Variants in TFG observed in about 807,000 individuals in gnomAD.
TFG encodes trafficking from ER to golgi regulator, also known as protein TFG.
TFG carries 22 observed loss-of-function variants against 51.4 expected under a neutral mutation model. The observed-to-expected ratio is 0.43, with a 90% confidence interval of 0.31 to 0.61. The LOEUF (loss-of-function observed/expected upper bound fraction) is 0.61, where lower values mean the gene tolerates loss of function less well. Among genes scored for constraint, TFG ranks in the 20% least tolerant of loss-of-function variants. The pLI, the probability that TFG is intolerant of heterozygous loss-of-function variation, is 0.12. For missense variants in TFG, 419 were observed against 487.7 expected (o/e 0.86, Z 1.33); for synonymous variants, 187 against 165.6 (o/e 1.13, Z -0.99).
intron 7 of TFG, 65 bp from the exon 8 acceptor site, chr3:100,748,084 C>CT: frequency 3.3e-6 from 5 of 1,524,512 alleles, no homozygotes; most frequent in Non-Finnish European, 4.4e-6. Context: ...AACAGTAAGA[C>CT]TAATTCTTTG....
chr3:100,731,364 A>G (rs2095091204), intron 4 of TFG, among the ~76,000 whole-genome samples: 1 of 152,234 alleles, frequency 6.6e-6, no homozygotes, highest in African/African-American at 2.4e-5. Flanking sequence ...AGACAGTAGT[A>G]TAAATGCCTG....
intron 2 of TFG, 37 bp downstream of exon 2, chr3:100,713,906 T>TA: frequency 6.3e-6 from 8 of 1,272,384 alleles, no homozygotes; most frequent in Non-Finnish European, 8.4e-6. Context: ...TAAAGTCTTT[T>TA]TAAAAAAAAA....
intron 4 of TFG, among the ~76,000 whole-genome samples, chr3:100,730,405 TCTC>T (rs1272448801): frequency 4.6e-5 from 7 of 152,256 alleles, no homozygotes; most frequent in Non-Finnish European, 1.0e-4. Flanking sequence ...ATTGGTTTCT[TCTC>T]TGCATTTTGG....
At chr3:100,734,635 T>C (rs2095101600) in intron 5 of TFG, among the ~76,000 whole-genome samples, 1 of 152,198 alleles carries the variant, frequency 6.6e-6, no homozygotes, top group Non-Finnish European at 1.5e-5. Context: ...TTTTAGTTGT[T>C]ACCTGGGAGA....
intron 1 of TFG, 118 bp from the exon 2 acceptor site, chr3:100,713,525 G>A (rs2095036741): frequency 2.4e-6 from 1 of 424,966 alleles, no homozygotes; most frequent in Non-Finnish European, 4.1e-6. Flanking sequence ...ACATAAATAT[G>A]GTAACATGGG....
chr3:100,734,934 G>A (rs1487264688), intron 5 of TFG, among the ~76,000 whole-genome samples: 2 of 152,166 alleles, frequency 1.3e-5, no homozygotes, highest in East Asian at 1.9e-4. Flanking sequence ...CTTCAGGTGT[G>A]ATGTGGTAAA....
intron 2 of TFG, among the ~76,000 whole-genome samples, chr3:100,715,580 TC>T: frequency 1.3e-5 from 2 of 152,344 alleles, no homozygotes; most frequent in South Asian, 4.1e-4. Flanking sequence ...TGATGTGTAG[TC>T]TAAGAATACC....
chr3:100,712,680 C>T (rs758797968), intron 1 of TFG, among the ~76,000 whole-genome samples: 1 of 152,072 alleles, frequency 6.6e-6, no homozygotes, highest in Non-Finnish European at 1.5e-5. Context: ...AAAACATAAT[C>T]GTTTACTTCC....
At chr3:100,722,951 G>C (rs2095064873) in intron 3 of TFG, among the ~76,000 whole-genome samples, 2 of 152,172 alleles carry the variant, frequency 1.3e-5, no homozygotes. Context: ...TTGGTCAGTA[G>C]GCTATGCTTT....
intron 7 of TFG, 107 bp downstream of exon 7, chr3:100,745,038 T>G: frequency 2.1e-6 from 1 of 485,624 alleles, no homozygotes; most frequent in Non-Finnish European, 3.6e-6. Context: ...TAATAGGTAT[T>G]AAGTTTTTAT....
chr3:100,714,605 T>C (rs1208778890), intron 2 of TFG, among the ~76,000 whole-genome samples: 1 of 152,188 alleles, frequency 6.6e-6, no homozygotes, highest in Non-Finnish European at 1.5e-5. Flanking sequence ...TTTGTCCATA[T>C]AATTCTGGTT....
chr3:100,720,772 T>G (rs960075386), intron 3 of TFG, among the ~76,000 whole-genome samples: 6 of 152,234 alleles, frequency 3.9e-5, no homozygotes, highest in African/African-American at 9.6e-5. Flanking sequence ...GAAGACTAAT[T>G]TTAATCTTTT....
At chr3:100,742,899 A>AG (rs1392940675) in intron 6 of TFG, 1 of 152,044 alleles carries the variant, frequency 6.6e-6, no homozygotes, top group Non-Finnish European at 1.5e-5. Context: ...GCAAAAAAAA[A>AG]AAGCTTTATG....
chr3:100,744,170 A>G (rs968215300), intron 6 of TFG: 3 of 152,214 alleles, frequency 2.0e-5, no homozygotes, highest in African/African-American at 7.2e-5. Context: ...AATAGGACAA[A>G]TAGGACTCCC....
chr3:100,724,273 A>C (rs965377547), intron 3 of TFG, among the ~76,000 whole-genome samples: 3 of 152,192 alleles, frequency 2.0e-5, no homozygotes, highest in African/African-American at 4.8e-5. Context: ...AGGATCAACA[A>C]TTTTGAAAAG....
chr3:100,748,556 G>A lies in TFG; in HGVS notation c.*25G>A, dbSNP rs183885488. The A allele has an allele frequency of 4.5e-4, 707 of 1,574,388 alleles. 1 individual carries two copies. Among genetic ancestry groups the A allele is most frequent in the Middle Eastern group, 3.8e-3 (22 of 5,858 alleles). On this transcript the variant is annotated 3_prime_UTR_variant, in exon 8 of 8. Coordinates refer to ENST00000240851, the MANE Select transcript of TFG (RefSeq NM_006070.6). ...AGGAGGCTCCTCTACACCAATTAAT[G>A]TAGCTGCTAGCTATTGGCCTCCCAA...
chr3:100,722,505 A>G (rs1274351663), intron 3 of TFG, among the ~76,000 whole-genome samples: 1 of 152,216 alleles, frequency 6.6e-6, no homozygotes, highest in African/African-American at 2.4e-5. Context: ...TATAAAAGCT[A>G]TAGACCCTCA....
chr3:100,731,087 A>G (rs1046852708), intron 4 of TFG, among the ~76,000 whole-genome samples: 2 of 152,200 alleles, frequency 1.3e-5, no homozygotes, highest in African/African-American at 4.8e-5. Context: ...TGCTGTGGGT[A>G]CTTATATTCG....
At chr3:100,716,619 G>T (rs1297532161) in intron 2 of TFG, among the ~76,000 whole-genome samples, 1 of 152,120 alleles carries the variant, frequency 6.6e-6, no homozygotes, top group Admixed American at 6.5e-5. Context: ...CCTTCATACT[G>T]TTCTCCCTAG....
Sources: allele counts gnomAD v4.1 joint callset (sites outside exome capture counted in the v4.1 genomes callset), GRCh38; gene constraint gnomAD v4.1.1; transcripts MANE v1.5; gene names NCBI Gene and HGNC (gene_info 2026-07-23, HGNC 2026-07-21).